Variants in SCN10A observed in about 807,000 individuals in gnomAD.
SCN10A encodes the protein sodium channel protein type 10 subunit alpha.
SCN10A carries 162 observed loss-of-function variants against 170.7 expected under a neutral mutation model. That is an observed-to-expected ratio of 0.95 (90% CI 0.84 to 1.08). The LOEUF is 1.08. Among genes scored for constraint, SCN10A ranks in the 50% least tolerant of loss-of-function variants. The pLI is 0.00. For missense variants in SCN10A, 2,527 were observed against 2,436.9 expected (o/e 1.04, Z -0.78); for synonymous variants, 985 against 904.6 (o/e 1.09, Z -1.59).
chr3:38,733,576 T>C (rs1054863022), intron 15 of SCN10A, among the ~76,000 whole-genome samples: 2 of 152,166 alleles, frequency 1.3e-5, no homozygotes, highest in African/African-American at 4.8e-5. Context: ...GGAGAGTTAA[T>C]TTATGCTGTA....
At chr3:38,735,186 A>G (rs1021657252) in intron 15 of SCN10A, among the ~76,000 whole-genome samples, 60 of 151,552 alleles carry the variant, frequency 4.0e-4, no homozygotes, top group Admixed American at 2.1e-3. Context: ...AAAAAAAAAA[A>G]AAAGAAAGAA....
At chr3:38,763,385 C>A (rs2063897220) in intron 6 of SCN10A, 120 bp downstream of exon 6, 5 of 789,646 alleles carry the variant, frequency 6.3e-6, no homozygotes, top group Non-Finnish European at 8.7e-6. Flanking sequence ...GGCCTCAGTT[C>A]CTTTGTCTTG....
chr3:38,719,089 G>A (rs1045638773), intron 20 of SCN10A, among the ~76,000 whole-genome samples: 1 of 152,248 alleles, frequency 6.6e-6, no homozygotes, highest in Non-Finnish European at 1.5e-5. Flanking sequence ...GAATGCAAGG[G>A]AGAAAGAAAA....
chr3:38,805,596 C>G (rs551522661), intron 1 of SCN10A, among the ~76,000 whole-genome samples: 1 of 152,230 alleles, frequency 6.6e-6, no homozygotes, highest in East Asian at 1.9e-4. Flanking sequence ...ATGGGAGCAA[C>G]AGGACACCGG....
chr3:38,727,393 C>A (rs1475988071), intron 16 of SCN10A, among the ~76,000 whole-genome samples: 1 of 152,088 alleles, frequency 6.6e-6, no homozygotes, highest in Non-Finnish European at 1.5e-5. Flanking sequence ...GGGCTCTGTT[C>A]CTGACTCTGG....
At chr3:38,762,343 C>T (rs2063883787) in intron 6 of SCN10A, among the ~76,000 whole-genome samples, 1 of 152,090 alleles carries the variant, frequency 6.6e-6, no homozygotes, top group African/African-American at 2.4e-5. Context: ...AGGGGAGCAG[C>T]CCTTAACTGA....
At chr3:38,761,113 G>C in intron 7 of SCN10A, 79 bp downstream of exon 7, 1 of 1,162,230 alleles carries the variant, frequency 8.6e-7, no homozygotes, top group Non-Finnish European at 1.2e-6. Flanking sequence ...CACACACACA[G>C]GGGCTCCATA....
At chr3:38,786,544 G>A (rs1430663638) in intron 4 of SCN10A, among the ~76,000 whole-genome samples, 1 of 152,082 alleles carries the variant, frequency 6.6e-6, no homozygotes, top group Non-Finnish European at 1.5e-5. Context: ...GGGTTGATGG[G>A]TGCAGCAAAC....
chr3:38,756,524 G>A lies in SCN10A; in HGVS notation c.1290+150C>T, dbSNP rs1014854081. 3.0e-5 allele frequency: 21 copies of A among 700,756 alleles called. No homozygotes were observed. The African/African-American group carries it at 3.0e-4, about 10-fold the overall frequency. The allele number at this position is 700,756 out of a possible 1,614,324, so 43.4% of individuals were successfully genotyped here. A position where few individuals can be genotyped will look rare whatever the true frequency, so the allele number is the denominator to read the frequency against. Reference sequence around the variant, plus strand: ...AGAATCCTCACTTAGCTTCTTCTTTGAGAAAACCTGATCTAATATGGTCCC... The same window carrying A: ...AGAATCCTCACTTAGCTTCTTCTTTAAGAAAACCTGATCTAATATGGTCCC... On this transcript the variant is annotated intron_variant, in intron 10 of 27. Transcript: ENST00000449082.
In SCN10A at chr3:38,739,625, A is replaced by C. The variant is rs138751097; in HGVS notation, c.2170T>G (p.Tyr724Asp). The change falls in exon 15 of 28, where the codon TAT becomes GAT. Residue 724 changes from tyrosine to aspartate, a missense_variant. Tyr to Asp is a radical substitution (Grantham distance 160). Transcript: ENST00000449082. ...FKIIAFDPYY[Y>D]FQKKWNIFDC... The stretch of plus-strand genomic sequence containing the variant: ...AAGATATTCCACTTCTTCTGGAAAT[A>C]ATAGTATGGGTCGAAGGCAATGATT... 177 of 1,614,022 alleles carry C rather than the reference A, an allele frequency of 1.1e-4. No homozygotes were observed. The highest frequency in any genetic ancestry group is 1.4e-4 in the Non-Finnish European group (162 of 1,179,956).
At chr3:38,809,361 T>C (rs1399814118) in intron 1 of SCN10A, among the ~76,000 whole-genome samples, 3 of 152,234 alleles carry the variant, frequency 2.0e-5, no homozygotes, top group Non-Finnish European at 4.4e-5. Flanking sequence ...AATGTGGACA[T>C]GGCCTTGAGT....
At chr3:38,761,500 T>G in intron 6 of SCN10A, 117 bp from the exon 7 acceptor site, 1 of 790,588 alleles carries the variant, frequency 1.3e-6, no homozygotes. Context: ...ATGTACACAC[T>G]CCAGGGCAGT....
chr3:38,718,537 A>G (rs2063355273), intron 21 of SCN10A, 116 bp downstream of exon 21: 1 of 1,062,088 alleles, frequency 9.4e-7, no homozygotes, highest in Admixed American at 2.3e-5. Flanking sequence ...AATGCTCAAA[A>G]CTTTTCTTTG....
Position 38,713,926 on chromosome 3 carries a change from C to T in SCN10A, c.3804+32G>A, listed in dbSNP as rs776699270. ...TACAGGCATGAACCACCGTGCCTGG[C>T]CAGATGAGAGAAGTTTTGAGATCAG... On this transcript the variant is annotated intron_variant, in intron 22 of 27. Transcript: ENST00000449082. 3.1e-6 allele frequency: 5 copies of T among 1,610,976 alleles called. No individual in the cohort carries two copies. The African/African-American group carries it at 6.7e-5, about 22-fold the overall frequency.
chr3:38,698,726 A>T (rs780743261), intron 27 of SCN10A, among the ~76,000 whole-genome samples, 164 bp from the exon 28 acceptor site: 41 of 152,156 alleles, frequency 2.7e-4, no homozygotes, highest in Non-Finnish European at 5.6e-4. Context: ...AGCACAAAGT[A>T]GGGGCTCAGT....
At chr3:38,744,098 G>A (rs943999532) in intron 13 of SCN10A, among the ~76,000 whole-genome samples, 1 of 152,194 alleles carries the variant, frequency 6.6e-6, no homozygotes, top group Non-Finnish European at 1.5e-5. Context: ...AATACATTGT[G>A]AAAAAGAATG....
chr3:38,802,891 A>G (rs1305623231), intron 1 of SCN10A, among the ~76,000 whole-genome samples: 2 of 152,218 alleles, frequency 1.3e-5, no homozygotes, highest in Non-Finnish European at 2.9e-5. Context: ...AATTTTTGCA[A>G]TCTACTCATC....
intron 23 of SCN10A, among the ~76,000 whole-genome samples, chr3:38,711,910 T>A (rs527889225): frequency 1.3e-5 from 2 of 152,324 alleles, no homozygotes; most frequent in Admixed American, 6.5e-5. Flanking sequence ...CACCTGATAA[T>A]CCCATGGCAG....
chr3:38,814,197 A>T (rs2064457558), intron 1 of SCN10A, among the ~76,000 whole-genome samples: 1 of 152,190 alleles, frequency 6.6e-6, no homozygotes, highest in Non-Finnish European at 1.5e-5. Context: ...TTTGGGCAGA[A>T]AGTGATTGTG....
Sources: gnomAD v4.1 joint callset for allele counts (sites outside exome capture counted in the v4.1 genomes callset) on GRCh38, gnomAD v4.1.1 for gene constraint, MANE v1.5 for transcripts, NCBI Gene and HGNC (gene_info 2026-07-23, HGNC 2026-07-21) for gene names.